OGFOD3: variants seen among roughly 807,000 people sequenced by gnomAD.
OGFOD3 encodes the protein 2-oxoglutarate and iron dependent oxygenase domain containing 3.
In OGFOD3, 35 loss-of-function variants were observed where a neutral mutation model predicts 39.8. That is an observed-to-expected ratio of 0.88 (90% CI 0.67 to 1.17). OGFOD3 has a LOEUF of 1.17. OGFOD3 is among the 50% of genes most tolerant of loss of function. The probability of loss-of-function intolerance (pLI) is 0.00; values close to 1 mark genes in which losing one functional copy is unlikely to be tolerated. For missense variants in OGFOD3, 438 were observed against 454.5 expected (o/e 0.96, Z 0.33); for synonymous variants, 200 against 192.0 (o/e 1.04, Z -0.34).
rs1461495451 is a variant in OGFOD3, at chr17:82,389,786, T to C, written c.*2612A>G. Reference sequence around the variant, plus strand: ...TCCCAAAGTGCTGGGATTACCAGCATGAGCCATATGTTCCCACTTCAGAAG... The same window carrying C: ...TCCCAAAGTGCTGGGATTACCAGCACGAGCCATATGTTCCCACTTCAGAAG... On this transcript the variant is annotated 3_prime_UTR_variant, in exon 9 of 9. Coordinates refer to ENST00000313056, the MANE Select transcript of OGFOD3 (RefSeq NM_024648.3). This position sits in a 1 kb window ranked among gnomAD's most constrained non-coding sequence, Gnocchi z 4.6. The C allele has an allele frequency of 6.6e-6, 1 of 152,274 alleles. No homozygotes were observed. Among genetic ancestry groups the C allele is most frequent in the Non-Finnish European group, 1.5e-5 (1 of 68,066 alleles). 9.4% of individuals were successfully genotyped at this position (152,274 alleles called of 1,614,324 possible). A position where few individuals can be genotyped will look rare whatever the true frequency, so the allele number is the denominator to read the frequency against.
At position 82,405,390 on chromosome 17, in the gene OGFOD3, A is replaced by G. The variant is rs71375101; in HGVS notation, c.489-10T>C. The G allele has an allele frequency of 0.015, 24,385 of 1,611,332 alleles. 244 individuals are homozygous for G. Among genetic ancestry groups the G allele is most frequent in the Middle Eastern group, 0.024 (143 of 6,062 alleles). Reference sequence around the variant, plus strand: ...TTTATCCCCGAAGTATCTGTGAAAAAAGGAGTATTCACAAAGGTCACAACA... The same window carrying G: ...TTTATCCCCGAAGTATCTGTGAAAAGAGGAGTATTCACAAAGGTCACAACA... On this transcript the variant is annotated splice_polypyrimidine_tract_variant and intron_variant, in intron 5 of 8. Transcript: ENST00000313056.
chr17:82,407,044 C>T (rs576285343), intron 4 of OGFOD3, among the ~76,000 whole-genome samples: 4 of 152,216 alleles, frequency 2.6e-5, no homozygotes, highest in Non-Finnish European at 4.4e-5. Context: ...ATGGTGAAAC[C>T]CCATGTCTAC....
chr17:82,409,747 T>C (rs1019936259), intron 3 of OGFOD3, among the ~76,000 whole-genome samples: 6 of 152,076 alleles, frequency 3.9e-5, no homozygotes, highest in Non-Finnish European at 8.8e-5. Flanking sequence ...ATACAAAAAT[T>C]AGCCAGCTGT....
At chr17:82,405,504 C>T in intron 5 of OGFOD3, 124 bp from the exon 6 acceptor site, 1 of 817,204 alleles carries the variant, frequency 1.2e-6, no homozygotes, top group Non-Finnish European at 2.1e-6. Flanking sequence ...AACTCCATTT[C>T]CACAATGATA....
chr17:82,400,513 C>T (rs1426335430), intron 7 of OGFOD3, among the ~76,000 whole-genome samples: 1 of 152,160 alleles, frequency 6.6e-6, no homozygotes, highest in African/African-American at 2.4e-5. Flanking sequence ...AAATGTGATT[C>T]TTTACAACTG....
chr17:82,405,268 C>A lies in OGFOD3; in HGVS notation c.545+56G>T. 3 of 1,494,338 alleles carry A rather than the reference C, an allele frequency of 2.0e-6. No homozygotes were observed. In the South Asian group the frequency reaches 3.4e-5, roughly 17 times the overall value. 92.6% of individuals were successfully genotyped at this position (1,494,338 alleles called of 1,614,324 possible). A position where few individuals can be genotyped will look rare whatever the true frequency, so the allele number is the denominator to read the frequency against. On this transcript the variant is annotated intron_variant, in intron 6 of 8. Coordinates refer to ENST00000313056, the MANE Select transcript of OGFOD3 (RefSeq NM_024648.3). Reference sequence around the variant, plus strand: ...CCCGGACCGGCCAGCTCTGCCACACCCCTCAGCCCCAGGCCACCCCGCCTG... The same window carrying A: ...CCCGGACCGGCCAGCTCTGCCACACACCTCAGCCCCAGGCCACCCCGCCTG...
chr17:82,397,194 T>C (rs1474181069), intron 8 of OGFOD3, among the ~76,000 whole-genome samples: 1 of 151,758 alleles, frequency 6.6e-6, no homozygotes, highest in Non-Finnish European at 1.5e-5. Context: ...CTGGAGATCT[T>C]AAAAGAGATG....
Position 82,411,683 on chromosome 17 carries a change from C to T in OGFOD3, c.305-153G>A, listed in dbSNP as rs1402915847. On this transcript the variant is annotated intron_variant, in intron 2 of 8. Coordinates refer to ENST00000313056, the MANE Select transcript of OGFOD3 (RefSeq NM_024648.3). ...CTCTCCAGCGTGCATGCGCTTTGTGCGGTGCATCTGGAGTTCACGTCTCAC... is the reference window on the plus strand; with the variant it reads ...CTCTCCAGCGTGCATGCGCTTTGTGTGGTGCATCTGGAGTTCACGTCTCAC... 2.3e-5 allele frequency: 14 copies of T among 614,082 alleles called. 1 individual carries two copies. The highest frequency in any genetic ancestry group is 8.3e-4 in the Middle Eastern group (2 of 2,404). 38.0% of individuals were successfully genotyped at this position (614,082 alleles called of 1,614,324 possible).
intron 5 of OGFOD3, among the ~76,000 whole-genome samples, chr17:82,405,939 T>C (rs1476998121): frequency 6.6e-6 from 1 of 151,828 alleles, no homozygotes; most frequent in Non-Finnish European, 1.5e-5. Flanking sequence ...CAGAGCAAGA[T>C]TCCATCTCAA....
At chr17:82,407,673 G>C (rs923823843) in intron 4 of OGFOD3, among the ~76,000 whole-genome samples, 1 of 152,172 alleles carries the variant, frequency 6.6e-6, no homozygotes, top group Non-Finnish European at 1.5e-5. Context: ...CTGGCCCTGC[G>C]GCACTAACCT....
At position 82,398,080 on chromosome 17, in the gene OGFOD3, C is replaced by T. The variant is rs1034517935; in HGVS notation, c.823+116G>A. The T allele has an allele frequency of 2.3e-5, 30 of 1,317,760 alleles. No individual in the cohort carries two copies. In the Admixed American group the frequency reaches 3.4e-4, roughly 15 times the overall value. 81.6% of individuals were successfully genotyped at this position (1,317,760 alleles called of 1,614,324 possible). A position where few individuals can be genotyped will look rare whatever the true frequency, so the allele number is the denominator to read the frequency against. On this transcript the variant is annotated intron_variant, in intron 8 of 8. Transcript: ENST00000313056. ...ACCTGGGAATCACTCAGCACCGGCC[C>T]GGCACACAGCAGATGCTCCGTGAAC...
At chr17:82,400,488 T>C (rs796610875) in intron 7 of OGFOD3, among the ~76,000 whole-genome samples, 2 of 152,280 alleles carry the variant, frequency 1.3e-5, no homozygotes, top group South Asian at 2.1e-4. Context: ...AAGGAACAAT[T>C]GCCAAAACTG....
chr17:82,409,968 G>A (rs1178771988), intron 3 of OGFOD3, among the ~76,000 whole-genome samples: 1 of 152,152 alleles, frequency 6.6e-6, no homozygotes, highest in Non-Finnish European at 1.5e-5. Context: ...CTTCAATATC[G>A]AAAGCCACCT....
intron 3 of OGFOD3, 23 bp downstream of exon 3, chr17:82,411,432 C>A (rs917160623): frequency 6.2e-7 from 1 of 1,609,342 alleles, no homozygotes; most frequent in Non-Finnish European, 8.5e-7. Context: ...TGAATCCCAC[C>A]GTGCTCAGGG....
At chr17:82,416,901 C>A (rs944718015) in intron 1 of OGFOD3, among the ~76,000 whole-genome samples, 12 of 152,098 alleles carry the variant, frequency 7.9e-5, no homozygotes, top group African/African-American at 2.9e-4. Flanking sequence ...TCTCGAACTC[C>A]TGACCTCAAG....
intron 4 of OGFOD3, among the ~76,000 whole-genome samples, chr17:82,408,031 T>C (rs762989851): frequency 5.9e-5 from 9 of 152,102 alleles, no homozygotes; most frequent in Non-Finnish European, 1.2e-4. Context: ...TAGTCCCAGC[T>C]ACTCAGGAGG....
chr17:82,394,762 A>C (rs995153163), intron 8 of OGFOD3, among the ~76,000 whole-genome samples: 2 of 152,190 alleles, frequency 1.3e-5, no homozygotes, highest in Non-Finnish European at 2.9e-5. Flanking sequence ...TTATGGTGGG[A>C]CGTGGGCCAC....
chr17:82,403,391 G>T (rs913403017), intron 7 of OGFOD3, among the ~76,000 whole-genome samples: 12 of 152,288 alleles, frequency 7.9e-5, no homozygotes, highest in Admixed American at 7.2e-4. Context: ...CAGCACTTTG[G>T]GGGGCCAAGG....
At chr17:82,405,426 C>G in intron 5 of OGFOD3, 46 bp from the exon 6 acceptor site, 1 of 1,482,918 alleles carries the variant, frequency 6.7e-7, no homozygotes, top group Non-Finnish European at 9.4e-7. Context: ...CTTCATTAAT[C>G]TGTTGTTCAT....
Sources: gnomAD v4.1 joint callset for allele counts (sites outside exome capture counted in the v4.1 genomes callset) on GRCh38, gnomAD v4.1.1 for gene constraint, Gnocchi (gnomAD v3.1) non-coding constraint, MANE v1.5 for transcripts, NCBI Gene and HGNC (gene_info 2026-07-23, HGNC 2026-07-21) for gene names.